GSE1: variants seen among roughly 807,000 people sequenced by gnomAD.
GSE1 encodes the protein Gse1 coiled-coil protein.
Under a neutral mutation model 112.6 loss-of-function variants are expected in GSE1, and 32 were observed. That is an observed-to-expected ratio of 0.28 (90% CI 0.21 to 0.38). The LOEUF is 0.38. Ranked by LOEUF, GSE1 falls within the 10% of genes least tolerant of loss-of-function variation. The pLI is 1.00. For missense variants in GSE1, 2,348 were observed against 1,699.2 expected, an observed-to-expected ratio of 1.38 and a Z score of -6.71; for synonymous variants, 1,115 against 735.6, an observed-to-expected ratio of 1.52 and a Z score of -8.35.
chr16:85,434,309 A>G (rs1291364566), intron 2 of GSE1, among the ~76,000 whole-genome samples: 3 of 40,456 alleles, frequency 7.4e-5, no homozygotes, highest in African/African-American at 1.2e-4. Context: ...ATGGTGGTCT[A>G]ATAATAATAA....
At chr16:85,259,231 A>G (rs1907408924) in intron 1 of GSE1, among the ~76,000 whole-genome samples, 1 of 151,932 alleles carries the variant, frequency 6.6e-6, no homozygotes, top group African/African-American at 2.4e-5. Context: ...CCGGCTGCCC[A>G]TCCGCACGGC....
Position 85,195,879 on chromosome 16 carries a change from C to T in GSE1, c.2283+24072C>T, listed in dbSNP as rs140102725. ...CAAAGCCAGCAGCTCCTGTTCCCATCACTTCTGACCTGCAGCCCCTGGTCT... is the reference window on the plus strand; with the variant it reads ...CAAAGCCAGCAGCTCCTGTTCCCATTACTTCTGACCTGCAGCCCCTGGTCT... On this transcript the variant is annotated intron_variant, in intron 1 of 2. Coordinates refer to the GSE1 transcript ENST00000637419. Among the ~76,000 whole-genome samples the T allele has an allele frequency of 1.2e-4, 18 of 152,312 alleles. No homozygotes were observed. The East Asian group carries it at 2.5e-3, about 21-fold the overall frequency.
At chr16:85,652,029 C>G (rs899892880) in intron 3 of GSE1, among the ~76,000 whole-genome samples, 14 of 152,334 alleles carry the variant, frequency 9.2e-5, no homozygotes, top group African/African-American at 3.4e-4. Flanking sequence ...GAAGCCCAGC[C>G]TGGAAATAGC....
At chr16:85,535,846 C>T (rs2044307703) in intron 2 of GSE1, among the ~76,000 whole-genome samples, 1 of 152,252 alleles carries the variant, frequency 6.6e-6, no homozygotes, top group African/African-American at 2.4e-5. Flanking sequence ...TAATTCCCTC[C>T]AGCTTCAAAG....
chr16:85,228,592 A>G (rs1231823103), intron 1 of GSE1, among the ~76,000 whole-genome samples: 1 of 152,144 alleles, frequency 6.6e-6, no homozygotes, highest in African/African-American at 2.4e-5. Flanking sequence ...CATTCCAGGA[A>G]GTGTTGCGTG....
intron 1 of GSE1, chr16:85,282,944 C>T (rs1248818443): frequency 6.6e-6 from 1 of 152,294 alleles, no homozygotes; most frequent in African/African-American, 2.4e-5. Context: ...CTTGGGGTTT[C>T]TCTCGGAGTT....
intron 1 of GSE1, among the ~76,000 whole-genome samples, chr16:85,183,230 C>T (rs558798017): frequency 6.6e-6 from 1 of 152,308 alleles, no homozygotes; most frequent in East Asian, 1.9e-4. Flanking sequence ...CACACCCTCT[C>T]TCATTCATGC....
At chr16:85,619,157 C>T (rs200418124) in intron 1 of GSE1, among the ~76,000 whole-genome samples, 2 of 152,168 alleles carry the variant, frequency 1.3e-5, no homozygotes, top group Admixed American at 6.5e-5. Flanking sequence ...GGAGCCTCAA[C>T]GTCCCCTCGG....
chr16:85,525,704 T>G (rs1224093239), intron 2 of GSE1, among the ~76,000 whole-genome samples: 1 of 152,208 alleles, frequency 6.6e-6, no homozygotes, highest in African/African-American at 2.4e-5. Flanking sequence ...CCATGGACTT[T>G]GCCATCAGTA....
At chr16:85,605,616 CCAGT>C (rs1288703170) in intron 1 of GSE1, among the ~76,000 whole-genome samples, 3 of 151,844 alleles carry the variant, frequency 2.0e-5, no homozygotes, top group African/African-American at 7.3e-5. Flanking sequence ...GGAGATTTGC[CCAGT>C]CCGGCAGCTT....
At chr16:85,313,526 C>G (rs867020744) in intron 1 of GSE1, among the ~76,000 whole-genome samples, 3 of 152,190 alleles carry the variant, frequency 2.0e-5, no homozygotes, top group African/African-American at 4.8e-5. Context: ...TACCACCCCC[C>G]ACCCCCCTGA....
chr16:85,354,559 C>T (rs902027131), intron 1 of GSE1, among the ~76,000 whole-genome samples: 1 of 152,232 alleles, frequency 6.6e-6, no homozygotes, highest in African/African-American at 2.4e-5. Context: ...CAGGAGGGGC[C>T]TCTCAGCTTC....
intron 2 of GSE1, among the ~76,000 whole-genome samples, chr16:85,458,836 G>A (rs2049902137): frequency 6.6e-6 from 1 of 152,186 alleles, no homozygotes; most frequent in South Asian, 2.1e-4. Context: ...GGTTCAGGGA[G>A]CCTGGGGCCT....
At chr16:85,309,277 G>C (rs904033054) in intron 1 of GSE1, among the ~76,000 whole-genome samples, 2 of 152,114 alleles carry the variant, frequency 1.3e-5, no homozygotes, top group East Asian at 1.9e-4. Flanking sequence ...CTAGAGGATC[G>C]CTTGAAGCCA....
intron 1 of GSE1, among the ~76,000 whole-genome samples, chr16:85,181,814 C>T (rs2074591559): frequency 6.6e-6 from 1 of 152,208 alleles, no homozygotes; most frequent in African/African-American, 2.4e-5. Flanking sequence ...GGCCAGGAGG[C>T]ACCTGGATGG....
chr16:85,404,792 C>A (rs1246924738), intron 2 of GSE1, among the ~76,000 whole-genome samples: 3 of 37,770 alleles, frequency 7.9e-5, no homozygotes, highest in Non-Finnish European at 9.4e-5. Flanking sequence ...ACACTCAGGG[C>A]CCCCCTGGAT....
chr16:85,327,631 C>G (rs1248359192), intron 1 of GSE1, among the ~76,000 whole-genome samples: 1 of 152,122 alleles, frequency 6.6e-6, no homozygotes, highest in African/African-American at 2.4e-5. Flanking sequence ...ATAAACAAAA[C>G]TAGAAGGTTG....
At chr16:85,466,605 A>G (rs758744891) in intron 2 of GSE1, among the ~76,000 whole-genome samples, 41 of 152,124 alleles carry the variant, frequency 2.7e-4, no homozygotes, top group African/African-American at 5.3e-4. Flanking sequence ...GCGGGTGGCA[A>G]TGACGGTGGT....
intron 1 of GSE1, among the ~76,000 whole-genome samples, chr16:85,177,977 C>T (rs2074502306): frequency 6.6e-6 from 1 of 152,194 alleles, no homozygotes; most frequent in Non-Finnish European, 1.5e-5. Flanking sequence ...AACTGAACAA[C>T]GTGTGTCTGC....
Sources: allele counts gnomAD v4.1 joint callset (sites outside exome capture counted in the v4.1 genomes callset), GRCh38; gene constraint gnomAD v4.1.1; transcripts MANE v1.5; gene names NCBI Gene and HGNC (gene_info 2026-07-23, HGNC 2026-07-21).